SDHC: variants seen among roughly 807,000 people sequenced by gnomAD.
SDHC encodes succinate dehydrogenase complex subunit C.
In SDHC, 11 loss-of-function variants were observed where a neutral mutation model predicts 22.6. The observed-to-expected ratio is 0.49, with a 90% CI of 0.31 to 0.81. The LOEUF is 0.81. SDHC is among the 30% of genes least tolerant of loss of function. SDHC has a pLI of 0.05. For missense variants in SDHC, 160 were observed against 212.0 expected, an observed-to-expected ratio of 0.75 and a Z score of 1.52; for synonymous variants, 80 against 77.8, an observed-to-expected ratio of 1.03 and a Z score of -0.15.
At chr1:161,339,976 G>C (rs1296727634) in intron 3 of SDHC, among the ~76,000 whole-genome samples, 2 of 151,976 alleles carry the variant, frequency 1.3e-5, no homozygotes, top group Non-Finnish European at 2.9e-5. Context: ...CACCGCGCCT[G>C]GCCCAGGTTT....
intron 1 of SDHC, among the ~76,000 whole-genome samples, chr1:161,315,730 A>G (rs1258718540): frequency 2.0e-5 from 3 of 152,132 alleles, no homozygotes; most frequent in African/African-American, 7.2e-5. Context: ...TCGCCCCTCC[A>G]CACCTGTGGG....
At chr1:161,346,646 C>CT (rs1671909676) in intron 4 of SDHC, among the ~76,000 whole-genome samples, 1 of 152,104 alleles carries the variant, frequency 6.6e-6, no homozygotes, top group South Asian at 2.1e-4. Context: ...GTTCTGCCCA[C>CT]TTTGGCCTCC....
chr1:161,354,038 A>T (rs1672182547), intron 4 of SDHC, among the ~76,000 whole-genome samples: 1 of 151,774 alleles, frequency 6.6e-6, no homozygotes, highest in Admixed American at 6.6e-5. Context: ...TTTAGTAGAG[A>T]CAGGGTCTCA....
At chr1:161,325,746 T>C (rs1300341789) in intron 2 of SDHC, among the ~76,000 whole-genome samples, 1 of 152,194 alleles carries the variant, frequency 6.6e-6, no homozygotes, top group East Asian at 1.9e-4. Flanking sequence ...AAAGGGAATC[T>C]TGAAAAGCCA....
chr1:161,320,215 C>A (rs913413311), intron 1 of SDHC, among the ~76,000 whole-genome samples: 8 of 151,296 alleles, frequency 5.3e-5, no homozygotes, highest in Admixed American at 2.0e-4. Flanking sequence ...TGGGTGATGC[C>A]ATCATATGGG....
At chr1:161,316,830 C>A (rs1344860965) in intron 1 of SDHC, among the ~76,000 whole-genome samples, 1 of 151,882 alleles carries the variant, frequency 6.6e-6, no homozygotes. Flanking sequence ...AGGAAAATAC[C>A]TTCTGAGAAA....
intron 4 of SDHC, among the ~76,000 whole-genome samples, chr1:161,345,182 T>C (rs994286014): frequency 1.3e-5 from 2 of 152,214 alleles, no homozygotes; most frequent in Non-Finnish European, 2.9e-5. Flanking sequence ...TTGAACTCAT[T>C]GGAACAGGCA....
intron 1 of SDHC, among the ~76,000 whole-genome samples, chr1:161,316,294 C>A (rs1031755550): frequency 1.3e-5 from 2 of 152,252 alleles, no homozygotes; most frequent in Admixed American, 1.3e-4. Flanking sequence ...CAGACTATCA[C>A]ATGGGGAGAA....
chr1:161,329,826 A>G (rs918653289), intron 3 of SDHC, among the ~76,000 whole-genome samples: 2 of 152,162 alleles, frequency 1.3e-5, no homozygotes, highest in East Asian at 3.9e-4. Flanking sequence ...TAGGCCATCC[A>G]CATTCCTTGG....
intron 4 of SDHC, among the ~76,000 whole-genome samples, chr1:161,355,103 T>C (rs1195808969): frequency 6.6e-6 from 1 of 152,196 alleles, no homozygotes; most frequent in African/African-American, 2.4e-5. Flanking sequence ...CAACAGATAA[T>C]GCAGCCCTGT....
intron 4 of SDHC, among the ~76,000 whole-genome samples, chr1:161,353,682 A>T (rs560718896): frequency 3.6e-4 from 55 of 152,072 alleles, no homozygotes; most frequent in African/African-American, 6.3e-4. Context: ...GACATTTTTT[A>T]AAAAAAATCA....
intron 2 of SDHC, among the ~76,000 whole-genome samples, chr1:161,325,832 T>A (rs1024948239): frequency 4.6e-5 from 7 of 152,214 alleles, no homozygotes; most frequent in African/African-American, 1.4e-4. Context: ...GAATATTTTT[T>A]AAATATACTT....
intron 1 of SDHC, 86 bp from the exon 2 acceptor site, chr1:161,323,528 A>T: frequency 1.0e-6 from 1 of 981,650 alleles, no homozygotes; most frequent in Non-Finnish European, 1.6e-6. Flanking sequence ...CTTTTAATCT[A>T]TCCCTTCACC....
chr1:161,317,358 A>AT (rs1670655627), intron 1 of SDHC, among the ~76,000 whole-genome samples: 1 of 151,886 alleles, frequency 6.6e-6, no homozygotes, highest in Non-Finnish European at 1.5e-5. Flanking sequence ...AACTTAAAAA[A>AT]TTTTTTTATT....
intron 1 of SDHC, among the ~76,000 whole-genome samples, chr1:161,319,150 A>C (rs1395109075): frequency 6.6e-6 from 1 of 151,872 alleles, no homozygotes; most frequent in East Asian, 1.9e-4. Context: ...GAACTCGGGA[A>C]GTGGAGGTTG....
chr1:161,361,842 CAAAAAAAA>C lies in SDHC; in HGVS notation c.406-472_406-465del, dbSNP rs35337467. 1.1e-3 allele frequency among the ~76,000 whole-genome samples: 61 copies of C among 54,824 alleles called. 2 individuals are homozygous for C. The highest frequency in any genetic ancestry group is 4.4e-3 in the African/African-American group (59 of 13,386). The allele number at this position is 54,824 out of a possible 152,430, so 36.0% of individuals were successfully genotyped here. A position where few individuals can be genotyped will look rare whatever the true frequency, so the allele number is the denominator to read the frequency against. On this transcript the variant is annotated intron_variant, in intron 5 of 5. Transcript: ENST00000367975. ...TGGGCGACAGAGTGAGAGTCCGTCT[CAAAAAAAA>C]AAAAAAAAAAAAAACTGTTTAGAAA... is the stretch of plus-strand genomic sequence containing the variant.
At chr1:161,322,931 T>G (rs1021978926) in intron 1 of SDHC, among the ~76,000 whole-genome samples, 2 of 152,174 alleles carry the variant, frequency 1.3e-5, no homozygotes, top group African/African-American at 4.8e-5. Flanking sequence ...CAGTTACCAG[T>G]GGGCTTATTC....
At chr1:161,356,652 A>C in intron 4 of SDHC, 25 bp from the exon 5 acceptor site, 1 of 1,613,040 alleles carries the variant, frequency 6.2e-7, no homozygotes, top group Non-Finnish European at 8.5e-7. Flanking sequence ...AGCAGCTGTG[A>C]CAAGCTACTT....
intron 4 of SDHC, among the ~76,000 whole-genome samples, chr1:161,341,083 G>A (rs554740289): frequency 1.3e-5 from 2 of 152,066 alleles, no homozygotes; most frequent in African/African-American, 4.8e-5. Flanking sequence ...CTCATGATCC[G>A]CCTGCCTCAG....
Sources: allele counts gnomAD v4.1 joint callset (sites outside exome capture counted in the v4.1 genomes callset), GRCh38; gene constraint gnomAD v4.1.1; transcripts MANE v1.5; gene names NCBI Gene and HGNC (gene_info 2026-07-23, HGNC 2026-07-21).